Variants in STRBP observed in about 807,000 individuals in gnomAD.
The protein encoded by STRBP is spermatid perinuclear RNA binding protein.
In STRBP, 13 loss-of-function variants were observed where a neutral mutation model predicts 80.1. The ratio of observed to expected loss-of-function variants is 0.16; its 90% CI spans 0.11 to 0.26. STRBP has a LOEUF of 0.26. Among genes scored for constraint, STRBP ranks in the 10% least tolerant of loss-of-function variants. STRBP has a pLI of 1.00. For missense variants in STRBP, 485 were observed against 815.2 expected, an observed-to-expected ratio of 0.59 and a Z score of 4.93; for synonymous variants, 284 against 291.2, an observed-to-expected ratio of 0.98 and a Z score of 0.25.
chr9:123,125,479 C>T lies in STRBP; in HGVS notation c.*118G>A. On this transcript the variant is annotated 3_prime_UTR_variant, in exon 19 of 19. Coordinates refer to ENST00000348403, the MANE Select transcript of STRBP (RefSeq NM_018387.5). ...AAAATCAAAAAGTAGGAAAGATGTTCTTTACAAATAATTTTGATCAAGTAT... is the reference window on the plus strand; with the variant it reads ...AAAATCAAAAAGTAGGAAAGATGTTTTTTACAAATAATTTTGATCAAGTAT... 3.8e-6 allele frequency: 5 copies of T among 1,298,918 alleles called. No homozygotes were observed. The highest frequency in any genetic ancestry group is 3.1e-5 in the South Asian group (1 of 32,370). The allele number at this position is 1,298,918 out of a possible 1,614,324, so 80.5% of individuals were successfully genotyped here. A position where few individuals can be genotyped will look rare whatever the true frequency, so the allele number is the denominator to read the frequency against.
At chr9:123,210,670 T>C (rs2039676893) in intron 2 of STRBP, among the ~76,000 whole-genome samples, 1 of 151,800 alleles carries the variant, frequency 6.6e-6, no homozygotes, top group Non-Finnish European at 1.5e-5. Flanking sequence ...CTACTAAAAA[T>C]ACACAAAAAT....
chr9:123,126,913 T>C lies in STRBP; in HGVS notation c.1943-1240A>G, dbSNP rs2035916995. Among the ~76,000 whole-genome samples the C allele has an allele frequency of 2.6e-5, 4 of 152,104 alleles. No homozygotes were observed. The highest frequency in any genetic ancestry group is 2.0e-4 in the Admixed American group (3 of 15,276). On this transcript the variant is annotated intron_variant, in intron 18 of 18. Coordinates refer to ENST00000348403, the MANE Select transcript of STRBP (RefSeq NM_018387.5). This position sits in a 1 kb window ranked among gnomAD's most constrained non-coding sequence, Gnocchi z 4.4. The stretch of plus-strand genomic sequence containing the variant: ...TGGCCAAACCCAAACCCAAAGGAAC[T>C]AGAGAGTTTGAATTTAGAAGGAAAC...
At chr9:123,220,744 G>C (rs1328273841) in intron 2 of STRBP, among the ~76,000 whole-genome samples, 2 of 152,118 alleles carry the variant, frequency 1.3e-5, no homozygotes, top group Non-Finnish European at 2.9e-5. Flanking sequence ...AAATAACTGA[G>C]GAGAAAACAT....
Position 123,229,787 on chromosome 9 carries a change from G to A in STRBP, c.-165+7043C>T, listed in dbSNP as rs554573087. On this transcript the variant is annotated intron_variant, in intron 2 of 18. Coordinates refer to ENST00000348403, the MANE Select transcript of STRBP (RefSeq NM_018387.5). ...GGTATTATGGATTTTAAAAGGAAGGGGTCGGAATAATCAAACAACTGTCTA... is the reference window on the plus strand; with the variant it reads ...GGTATTATGGATTTTAAAAGGAAGGAGTCGGAATAATCAAACAACTGTCTA... Among the ~76,000 whole-genome samples, 4 of 152,192 alleles carry A rather than the reference G, an allele frequency of 2.6e-5. No individual in the cohort carries two copies. The South Asian group carries it at 8.3e-4, about 32-fold the overall frequency.
chr9:123,115,410 G>A lies in STRBP; in HGVS notation c.*84+519C>T, dbSNP rs772521473. ...GCAAGGAGGATCCCTAGCAGGGAGGGGGAGACCCACTGAAGCCTTTCTCCC... is the reference window on the plus strand; with the variant it reads ...GCAAGGAGGATCCCTAGCAGGGAGGAGGAGACCCACTGAAGCCTTTCTCCC... On this transcript the variant is annotated intron_variant and NMD_transcript_variant, in intron 3 of 3. Coordinates refer to the STRBP transcript ENST00000471564. The surrounding 1 kb of genome is among the most constrained non-coding windows in gnomAD (Gnocchi z 5.0). 2 of 470,828 alleles carry A rather than the reference G, an allele frequency of 4.2e-6. No homozygotes were observed. The highest frequency in any genetic ancestry group is 8.8e-6 in the Non-Finnish European group (2 of 226,860). 29.2% of individuals were successfully genotyped at this position (470,828 alleles called of 1,614,324 possible).
At position 123,115,342 on chromosome 9, in the gene STRBP, G is replaced by A. The variant is rs1341417479; in HGVS notation, c.*84+587C>T. The A allele has an allele frequency of 1.5e-5, 7 of 470,922 alleles. No homozygotes were observed. Among genetic ancestry groups the A allele is most frequent in the East Asian group, 1.4e-4 (2 of 14,378 alleles). The allele number at this position is 470,922 out of a possible 1,614,324, so 29.2% of individuals were successfully genotyped here. ...GCCTGGCTCCTCTCCTGCCCTCGGC[G>A]GGAGACCTGGGAACGGGCCTGCCAG... On this transcript the variant is annotated intron_variant and NMD_transcript_variant, in intron 3 of 3. Transcript: ENST00000471564. The surrounding 1 kb of genome is among the most constrained non-coding windows in gnomAD (Gnocchi z 5.0).
chr9:123,259,885 C>A (rs144079882), intron 1 of STRBP, among the ~76,000 whole-genome samples: 59 of 152,292 alleles, frequency 3.9e-4, no homozygotes, highest in Middle Eastern at 3.4e-3. Flanking sequence ...AAAGGAAGCA[C>A]CTATTTGTGC....
chr9:123,192,758 A>T (rs1407474600), intron 2 of STRBP, among the ~76,000 whole-genome samples: 1 of 152,190 alleles, frequency 6.6e-6, no homozygotes, highest in Admixed American at 6.5e-5. Flanking sequence ...ACGGGGATTT[A>T]TCCTCTCCTA....
intron 5 of STRBP, among the ~76,000 whole-genome samples, chr9:123,171,762 C>T (rs1346370615): frequency 6.6e-6 from 1 of 152,112 alleles, no homozygotes; most frequent in African/African-American, 2.4e-5. Flanking sequence ...TAAGAGTTCA[C>T]ACCTCTTTTA....
At position 123,146,996 on chromosome 9, in the gene STRBP, C is replaced by A; in HGVS notation, c.1197G>T (p.Arg399Ser). 1.2e-6 allele frequency: 2 copies of A among 1,613,980 alleles called. No individual in the cohort carries two copies. Among genetic ancestry groups the A allele is most frequent in the Non-Finnish European group, 1.7e-6 (2 of 1,179,946 alleles). ...MNALMRLNQI[R>S]PGLQYKLLSQ... ...ATAGGAGCTTATACTGAAGCCCAGG[C>A]CTGATCTGATTTAGCCTCATTAGTG... The change falls in exon 13 of 19, where the codon AGG (arginine) becomes AGT (serine). Residue 399 changes from arginine (R) to serine (S), a missense_variant. Around this residue, in one of 3 missense-constraint regions of STRBP, gnomAD observed 377 missense variants for 616.1 expected, o/e 0.61. Coordinates refer to ENST00000348403, the MANE Select transcript of STRBP (RefSeq NM_018387.5).
intron 11 of STRBP, among the ~76,000 whole-genome samples, chr9:123,150,059 T>A (rs2036988064): frequency 6.6e-6 from 1 of 152,130 alleles, no homozygotes; most frequent in African/African-American, 2.4e-5. Flanking sequence ...GATGAAGACC[T>A]GAGAAAGTAA....
chr9:123,147,697 A>G, intron 12 of STRBP, 81 bp downstream of exon 12: 1 of 1,144,544 alleles, frequency 8.7e-7, no homozygotes, highest in South Asian at 1.5e-5. Flanking sequence ...AAAAAAAAAA[A>G]AACCCTTCAC....
chr9:123,128,067 G>T, intron 18 of STRBP, 147 bp downstream of exon 18: 2 of 968,040 alleles, frequency 2.1e-6, no homozygotes, highest in Non-Finnish European at 1.6e-6. Context: ...CAAGGTTGTG[G>T]CATTTTCAAA....
chr9:123,173,465 C>T (rs990239681), intron 5 of STRBP, among the ~76,000 whole-genome samples: 1 of 152,054 alleles, frequency 6.6e-6, no homozygotes, highest in Admixed American at 6.6e-5. Flanking sequence ...ACCTTAATGG[C>T]CATCTTAATT....
At position 123,179,298 on chromosome 9, in the gene STRBP, A is replaced by G. The variant is rs527705478; in HGVS notation, c.4-71T>C. 5 of 1,346,600 alleles carry G rather than the reference A, an allele frequency of 3.7e-6. No individual in the cohort carries two copies. The Admixed American group carries it at 5.6e-5, about 15-fold the overall frequency. The allele number at this position is 1,346,600 out of a possible 1,614,324, so 83.4% of individuals were successfully genotyped here. A position where few individuals can be genotyped will look rare whatever the true frequency, so the allele number is the denominator to read the frequency against. On this transcript the variant is annotated intron_variant, in intron 3 of 18. Transcript: ENST00000348403. ...CACCTGAAAAAGATGATATACAACT[A>G]TATCTTTAGCCAACCCATAGCACTG...
At chr9:123,217,560 T>C (rs755101013) in intron 2 of STRBP, among the ~76,000 whole-genome samples, 11 of 152,198 alleles carry the variant, frequency 7.2e-5, no homozygotes, top group Non-Finnish European at 1.0e-4. Flanking sequence ...GTTTACTTCC[T>C]CCGAAATTAA....
intron 6 of STRBP, among the ~76,000 whole-genome samples, chr9:123,169,310 A>T (rs1292961984): frequency 1.3e-5 from 2 of 151,656 alleles, no homozygotes; most frequent in Admixed American, 6.6e-5. Context: ...CTGGGATTAC[A>T]GGCGCCCACC....
chr9:123,263,791 G>A (rs556234074), intron 1 of STRBP, among the ~76,000 whole-genome samples: 176 of 152,248 alleles, frequency 1.2e-3, no homozygotes, highest in Middle Eastern at 6.8e-3. Flanking sequence ...CTAGCAGAAG[G>A]GATAGCTCTA....
At chr9:123,198,510 G>A (rs756480245) in intron 2 of STRBP, among the ~76,000 whole-genome samples, 54 of 152,058 alleles carry the variant, frequency 3.6e-4, no homozygotes, top group Non-Finnish European at 7.5e-4. Flanking sequence ...ACTAGTCCTT[G>A]GTTGGACGCG....
Sources: allele counts gnomAD v4.1 joint callset (sites outside exome capture counted in the v4.1 genomes callset), GRCh38; gene constraint gnomAD v4.1.1; regional missense constraint gnomAD v4.1.1; non-coding constraint Gnocchi (gnomAD v3.1); transcripts MANE v1.5; gene names NCBI Gene and HGNC (gene_info 2026-07-23, HGNC 2026-07-21).